The following YTHDC1 variants were observed in gnomAD, a reference collection of about 807,000 sequenced individuals.
YTHDC1 encodes YTH N6-methyladenosine RNA binding protein C1.
In YTHDC1, 12 loss-of-function variants were observed where a neutral mutation model predicts 107.0. The observed-to-expected ratio is 0.11, with a 90% CI of 0.07 to 0.18. The LOEUF (loss-of-function observed/expected upper bound fraction) is 0.18, where lower values mean the gene tolerates loss of function less well. Among genes scored for constraint, YTHDC1 ranks in the 10% least tolerant of loss-of-function variants. YTHDC1 has a pLI of 1.00. For synonymous variants in YTHDC1, 280 were observed against 289.5 expected (o/e 0.97, Z 0.33); for missense variants, 635 against 898.8 (o/e 0.71, Z 3.75).
intron 4 of YTHDC1, among the ~76,000 whole-genome samples, chr4:68,336,274 T>C (rs1021667107): frequency 8.5e-5 from 13 of 152,176 alleles, no homozygotes; most frequent in African/African-American, 3.1e-4. Context: ...GAGATTATAA[T>C]CATCATATAG....
Position 68,337,854 on chromosome 4 carries a change from T to A in YTHDC1, c.177A>T (p.Arg59=). The A allele has an allele frequency of 6.2e-7, 1 of 1,613,876 alleles. No homozygotes were observed. The highest frequency in any genetic ancestry group is 1.3e-5 in the African/African-American group (1 of 75,042). Reference sequence around the variant, plus strand: ...GTCTAGAATGGACAGAAGGCTTTTGTCGTTTGGTATCAGTAGATTCCATTC... The same window carrying A: ...GTCTAGAATGGACAGAAGGCTTTTGACGTTTGGTATCAGTAGATTCCATTC... ...SDRMESTDTK[R]QKPSVHSRQL... Residue 59 remains arginine (R), a synonymous_variant, in exon 3 of 17, where the codon CGA becomes CGT. Coordinates refer to ENST00000344157, the MANE Select transcript of YTHDC1 (RefSeq NM_001031732.4).
intron 1 of YTHDC1, among the ~76,000 whole-genome samples, chr4:68,341,048 GTCACTTTTAAAATTTTA>G (rs1382070940): frequency 1.1e-4 from 16 of 152,058 alleles, no homozygotes; most frequent in Middle Eastern, 3.4e-3. Flanking sequence ...AAAATACTTT[GTCACTTTTAAAATTTTA>G]TCACTTTTAA....
At chr4:68,349,630 A>ACCCCCCCCCCCCCCC in intron 1 of YTHDC1, 96 bp downstream of exon 1, 1 of 153,366 alleles carries the variant, frequency 6.5e-6, no homozygotes, top group Non-Finnish European at 1.3e-5. Flanking sequence ...TAACCTCCCC[A>ACCCCCCCCCCCCCCC]ACCCCCACCC....
chr4:68,335,971 GTATAGA>G (rs1414937490), intron 4 of YTHDC1, among the ~76,000 whole-genome samples: 1 of 148,422 alleles, frequency 6.7e-6, no homozygotes, highest in Admixed American at 6.7e-5. Context: ...ACTGTATGTA[GTATAGA>G]TATATACTAT....
chr4:68,339,588 G>C (rs1032339881), intron 1 of YTHDC1, among the ~76,000 whole-genome samples: 4 of 132,874 alleles, frequency 3.0e-5, no homozygotes, highest in Non-Finnish European at 3.2e-5. Context: ...CAGGAAAAAA[G>C]TGTGCACACA....
chr4:68,310,960 T>C lies in YTHDC1; in HGVS notation c.*3139A>G, dbSNP rs1721262201. 6.6e-6 allele frequency: 1 copy of C among 152,152 alleles called. No homozygotes were observed. The highest frequency in any genetic ancestry group is 1.5e-5 in the Non-Finnish European group (1 of 68,036). 9.4% of individuals were successfully genotyped at this position (152,152 alleles called of 1,614,324 possible). On this transcript the variant is annotated 3_prime_UTR_variant, in exon 17 of 17. Transcript: ENST00000344157. ...GCAAAATACTCTGAAAAGTCAAACA[T>C]TCAGGTGTTATAACTTGTATGAGAT...
At chr4:68,345,003 C>A (rs565290826) in intron 1 of YTHDC1, among the ~76,000 whole-genome samples, 30 of 152,054 alleles carry the variant, frequency 2.0e-4, no homozygotes, top group Non-Finnish European at 3.5e-4. Flanking sequence ...TGCACTTCAG[C>A]CTGGGCAACA....
chr4:68,316,860 T>C (rs1721914893), intron 15 of YTHDC1, among the ~76,000 whole-genome samples: 2 of 152,198 alleles, frequency 1.3e-5, no homozygotes, highest in Non-Finnish European at 2.9e-5. Flanking sequence ...GTTAAAGTGG[T>C]GAAGCAGGCA....
Position 68,318,523 on chromosome 4 carries a change from C to T in YTHDC1, c.1820G>A (p.Gly607Glu). Residue 607 changes from glycine (G) to glutamate (E), a missense_variant, in exon 15 of 17, where the codon GGA (glycine) becomes GAA (glutamate). Physicochemically the swap from Gly to Glu is moderately conservative, Grantham distance 98. This residue lies in a region of YTHDC1 where 256 missense variants were observed against 372.9 expected (regional missense o/e 0.69). Transcript: ENST00000344157. ...TAAAAATAGAATAATACAAACCATT[C>T]CTTGCCAAGGTGGTGGTGGTCCCAT... Reference protein sequence around the residue: ...HNMGPPPPWQGMPPYPGMEQP... With the variant: ...HNMGPPPPWQEMPPYPGMEQP... The T allele has an allele frequency of 1.9e-6, 3 of 1,610,576 alleles. No individual in the cohort carries two copies. The highest frequency in any genetic ancestry group is 2.5e-6 in the Non-Finnish European group (3 of 1,178,668).
At chr4:68,319,334 G>GTAT (rs1722197219) in intron 12 of YTHDC1, among the ~76,000 whole-genome samples, 1 of 152,144 alleles carries the variant, frequency 6.6e-6, no homozygotes, top group Admixed American at 6.5e-5. Flanking sequence ...AAATGAAGAT[G>GTAT]TATACACTGA....
In YTHDC1 at chr4:68,332,539, AACACATAC is replaced by A. The variant is rs375809350; in HGVS notation, c.1027+247_1027+254del. 3.3e-3 allele frequency among the ~76,000 whole-genome samples: 495 copies of A among 151,790 alleles called. 3 individuals are homozygous for A. Among genetic ancestry groups the A allele is most frequent in the African/African-American group, 0.011 (445 of 41,538 alleles). ...TATATATACACACACATCTATATAT[AACACATAC>A]ACACATACACACACACACCCATCCC... On this transcript the variant is annotated intron_variant, in intron 6 of 16. Transcript: ENST00000344157.
At chr4:68,346,298 C>T (rs1725434984) in intron 1 of YTHDC1, among the ~76,000 whole-genome samples, 1 of 151,916 alleles carries the variant, frequency 6.6e-6, no homozygotes, top group South Asian at 2.1e-4. Flanking sequence ...ACCTGTAGTC[C>T]CAGCTACTAG....
intron 2 of YTHDC1, 36 bp downstream of exon 2, chr4:68,338,247 T>C (rs1435696429): frequency 2.0e-6 from 3 of 1,537,430 alleles, no homozygotes; most frequent in South Asian, 1.2e-5. Context: ...CTATTTATAC[T>C]GTTATTTCAA....
In YTHDC1 at chr4:68,350,059, C is replaced by T; in HGVS notation, c.-306G>A. The T allele has an allele frequency of 1.9e-6, 1 of 523,648 alleles. No homozygotes were observed. The highest frequency in any genetic ancestry group is 2.3e-5 in the South Asian group (1 of 43,034). 32.4% of individuals were successfully genotyped at this position (523,648 alleles called of 1,614,324 possible). On this transcript the variant is annotated 5_prime_UTR_variant, in exon 1 of 17. Transcript: ENST00000344157. ...GCGGGCGGCGCTAAAATGGAGCCTGCTTCCTGCGCGAAACAATCCCGCTCC... is the reference window on the plus strand; with the variant it reads ...GCGGGCGGCGCTAAAATGGAGCCTGTTTCCTGCGCGAAACAATCCCGCTCC...
In YTHDC1 at chr4:68,312,259, T is replaced by G. The variant is rs900185984; in HGVS notation, c.*1840A>C. The G allele has an allele frequency of 2.6e-5, 4 of 152,198 alleles. No homozygotes were observed. Among genetic ancestry groups the G allele is most frequent in the Non-Finnish European group, 5.9e-5 (4 of 68,034 alleles). 9.4% of individuals were successfully genotyped at this position (152,198 alleles called of 1,614,324 possible). Reference sequence around the variant, plus strand: ...AGTTTACTAGCCTCTCTGAGCCCATTTAAATGAGTCTGTATATAAAAGCAC... The same window carrying G: ...AGTTTACTAGCCTCTCTGAGCCCATGTAAATGAGTCTGTATATAAAAGCAC... On this transcript the variant is annotated 3_prime_UTR_variant, in exon 17 of 17. Coordinates refer to ENST00000344157, the MANE Select transcript of YTHDC1 (RefSeq NM_001031732.4).
Position 68,318,850 on chromosome 4 carries a change from T to A in YTHDC1, c.1697A>T (p.Asp566Val). Residue 566 changes from aspartate to valine, a missense_variant, in exon 13 of 17, where the codon GAT becomes GTT. Coordinates refer to ENST00000344157, the MANE Select transcript of YTHDC1 (RefSeq NM_001031732.4). Reference protein sequence around the residue: ...EFHQRPGYLKDPRYQEVDRRF... With the variant: ...EFHQRPGYLKVPRYQEVDRRF... ...CCTGTCCACTTCCTGGTATCGTGGA[T>A]CCTTTAAATACCCTGTTCAAACATC... The A allele has an allele frequency of 1.2e-6, 2 of 1,614,150 alleles. No homozygotes were observed. Among genetic ancestry groups the A allele is most frequent in the Middle Eastern group, 3.3e-4 (2 of 6,062 alleles).
At chr4:68,328,255 A>C (rs1189409954) in intron 9 of YTHDC1, among the ~76,000 whole-genome samples, 1 of 152,230 alleles carries the variant, frequency 6.6e-6, no homozygotes, top group Non-Finnish European at 1.5e-5. Flanking sequence ...TCCTGTTCCC[A>C]AGAAAGCAAC....
Position 68,333,454 on chromosome 4 carries a change from T to C in YTHDC1, c.884-57A>G, listed in dbSNP as rs114462850. On this transcript the variant is annotated intron_variant, in intron 4 of 16. Coordinates refer to ENST00000344157, the MANE Select transcript of YTHDC1 (RefSeq NM_001031732.4). Reference sequence around the variant, plus strand: ...ACAATACAGAAACGAAGAGAAGTAATCAAACAAGAATGTATCATTACATGT... The same window carrying C: ...ACAATACAGAAACGAAGAGAAGTAACCAAACAAGAATGTATCATTACATGT... 1.3e-5 allele frequency: 17 copies of C among 1,289,398 alleles called. No homozygotes were observed. In the African/African-American group the frequency reaches 1.8e-4, roughly 14 times the overall value. 79.9% of individuals were successfully genotyped at this position (1,289,398 alleles called of 1,614,324 possible). A position where few individuals can be genotyped will look rare whatever the true frequency, so the allele number is the denominator to read the frequency against.
At chr4:68,319,614 C>A (rs2109684945) in intron 12 of YTHDC1, among the ~76,000 whole-genome samples, 1 of 152,140 alleles carries the variant, frequency 6.6e-6, no homozygotes, top group South Asian at 2.1e-4. Flanking sequence ...ACATGATATC[C>A]CTTCTTGAAT....
Sources: allele counts gnomAD v4.1 joint callset (sites outside exome capture counted in the v4.1 genomes callset), GRCh38; gene constraint gnomAD v4.1.1; regional missense constraint gnomAD v4.1.1; transcripts MANE v1.5; gene names NCBI Gene and HGNC (gene_info 2026-07-23, HGNC 2026-07-21).